The following MACF1 variants were observed in gnomAD, a reference collection of about 807,000 sequenced individuals.
MACF1 encodes microtubule-actin cross-linking factor 1.
MACF1 carries 193 observed loss-of-function variants against 854.8 expected under a neutral mutation model. That is an observed-to-expected ratio of 0.23 (90% CI 0.20 to 0.25). The LOEUF is 0.25. MACF1 is among the 10% of genes least tolerant of loss of function. The pLI is 1.00. For synonymous variants in MACF1, 3,185 were observed against 3,226.7 expected, an observed-to-expected ratio of 0.99 and a Z score of 0.44; for missense variants, 7,722 against 8,929.1, an observed-to-expected ratio of 0.86 and a Z score of 5.45.
chr1:39,301,121 TTTTATTTA>T (rs551530523), intron 22 of MACF1, among the ~76,000 whole-genome samples: 6 of 152,208 alleles, frequency 3.9e-5, no homozygotes, highest in Non-Finnish European at 7.4e-5. Context: ...TTAATTTTAA[TTTTATTTA>T]TTTATTTATT....
Position 39,388,066 on chromosome 1 carries a change from G to A in MACF1, c.15224G>A (p.Gly5075Asp). ...GACTATCTGAGGAACTTTACTCAGG[G>A]TCTGGTAGAAGATGCCCCAGATGGA... The part of the protein sequence containing the change: ...QVDYLRNFTQ[G>D]LVEDAPDGSD... Residue 5075 changes from glycine to aspartate, a missense_variant, in exon 58 of 101, where the codon GGT becomes GAT. Physicochemically the swap from Gly to Asp is moderately conservative, Grantham distance 94. Coordinates refer to ENST00000564288, the MANE Select transcript of MACF1 (RefSeq NM_001394062.1). The A allele has an allele frequency of 1.2e-6, 2 of 1,614,094 alleles. No individual in the cohort carries two copies. Among genetic ancestry groups the A allele is most frequent in the Middle Eastern group, 1.6e-4 (1 of 6,062 alleles).
In MACF1 at chr1:39,485,682, C is replaced by T. The variant is rs1463601812; in HGVS notation, c.22556C>T (p.Ala7519Val). Reference protein sequence around the residue: ...SACSDTSESSAAGGQGNSRRG... With the variant: ...SACSDTSESSVAGGQGNSRRG... ...TGTTCCGACACTTCAGAAAGCAGCG[C>T]TGCAGGGGGCCAAGGCAACTCCAGG... is the stretch of plus-strand genomic sequence containing the variant. The change falls in exon 101 of 101, where the codon GCT (alanine) becomes GTT (valine). Residue 7519 changes from alanine to valine, a missense_variant. Ala to Val is a moderately conservative substitution (Grantham distance 64). Transcript: ENST00000564288. 22 of 1,614,004 alleles carry T rather than the reference C, an allele frequency of 1.4e-5. No individual in the cohort carries two copies. Among genetic ancestry groups the T allele is most frequent in the Non-Finnish European group, 1.8e-5 (21 of 1,180,018 alleles).
At position 39,322,691 on chromosome 1, in the gene MACF1, C is replaced by T. The variant is rs1439675205; in HGVS notation, c.4113C>T (p.Ser1371=). 1.2e-6 allele frequency: 2 copies of T among 1,614,092 alleles called. No homozygotes were observed. Among genetic ancestry groups the T allele is most frequent in the Non-Finnish European group, 1.7e-6 (2 of 1,179,990 alleles). The change falls in exon 32 of 101, where the codon TCC becomes TCT. Residue 1371 remains serine (S), a synonymous_variant. Coordinates refer to ENST00000564288, the MANE Select transcript of MACF1 (RefSeq NM_001394062.1). ...CTGGCAAGCGCCGTCGCATGCTTTC[C>T]TCTTCAGATGCCATCACTCAAGAGG... ...KSPGKRRRML[S]SSDAITQEFM...
chr1:39,354,158 T>C (rs951319286), intron 44 of MACF1, among the ~76,000 whole-genome samples: 77 of 152,352 alleles, frequency 5.1e-4, no homozygotes, highest in African/African-American at 1.8e-3. Context: ...CTGCTTATAT[T>C]GATTCCTTTC....
chr1:39,476,110 C>G (rs1467166192), intron 97 of MACF1, among the ~76,000 whole-genome samples: 1 of 152,060 alleles, frequency 6.6e-6, no homozygotes, highest in Non-Finnish European at 1.5e-5. Flanking sequence ...CAATAATTGG[C>G]CAGAATGAAG....
At chr1:39,180,926 A>C (rs1236508499) in intron 2 of MACF1, among the ~76,000 whole-genome samples, 1 of 151,802 alleles carries the variant, frequency 6.6e-6, no homozygotes, top group Non-Finnish European at 1.5e-5. Flanking sequence ...TTTTTTTTTG[A>C]GACAGGGTCT....
At chr1:39,117,867 TA>T (rs1482867765) in intron 2 of MACF1, among the ~76,000 whole-genome samples, 1 of 152,220 alleles carries the variant, frequency 6.6e-6, no homozygotes. Context: ...ATATTCACAG[TA>T]GAAGATATCC....
chr1:39,171,751 G>A (rs1381570333), intron 2 of MACF1, among the ~76,000 whole-genome samples: 6 of 151,972 alleles, frequency 3.9e-5, no homozygotes, highest in East Asian at 1.9e-4. Context: ...TCAGCTTCCC[G>A]AGTAGCTGGG....
intron 2 of MACF1, among the ~76,000 whole-genome samples, chr1:39,184,374 T>C (rs1289780652): frequency 6.6e-6 from 1 of 152,146 alleles, no homozygotes; most frequent in Non-Finnish European, 1.5e-5. Context: ...GGCATGACAT[T>C]TCCTCTGACA....
intron 52 of MACF1, among the ~76,000 whole-genome samples, chr1:39,376,542 C>G (rs1649736911): frequency 6.6e-6 from 1 of 152,210 alleles, no homozygotes; most frequent in African/African-American, 2.4e-5. Flanking sequence ...GGCTCACATA[C>G]TGAGTTAGTG....
chr1:39,314,178 G>A (rs1328636572), intron 26 of MACF1, among the ~76,000 whole-genome samples: 1 of 152,174 alleles, frequency 6.6e-6, no homozygotes. Flanking sequence ...GGAGGCCAAG[G>A]CAGGTGGATC....
At chr1:39,118,483 G>A (rs1642601981) in intron 2 of MACF1, among the ~76,000 whole-genome samples, 2 of 152,238 alleles carry the variant, frequency 1.3e-5, no homozygotes, top group African/African-American at 2.4e-5. Flanking sequence ...CAGTATTCAT[G>A]TAACACTGCC....
intron 18 of MACF1, among the ~76,000 whole-genome samples, 179 bp from the exon 19 acceptor site, chr1:39,294,867 A>G (rs1287942765): frequency 6.6e-6 from 1 of 152,138 alleles, no homozygotes; most frequent in Non-Finnish European, 1.5e-5. Context: ...TCATTTTCCA[A>G]TAATTCCAGT....
chr1:39,367,165 A>C lies in MACF1; in HGVS notation c.12772-983A>C, dbSNP rs543019051. Among the ~76,000 whole-genome samples, 6 of 150,916 alleles carry C rather than the reference A, an allele frequency of 4.0e-5. No individual in the cohort carries two copies. The East Asian group carries it at 9.8e-4, about 25-fold the overall frequency. The stretch of plus-strand genomic sequence containing the variant: ...TTTCACCATGTTGGCCAGCCTGATC[A>C]TGAACTCCTGACCTCAAGTGATGGG... On this transcript the variant is annotated intron_variant, in intron 49 of 100. Coordinates refer to ENST00000564288, the MANE Select transcript of MACF1 (RefSeq NM_001394062.1).
At chr1:39,342,527 G>T (rs1400666151) in intron 40 of MACF1, among the ~76,000 whole-genome samples, 1 of 148,846 alleles carries the variant, frequency 6.7e-6, no homozygotes, top group Non-Finnish European at 1.5e-5. Flanking sequence ...TACAGCATGG[G>T]TTGGCAAACT....
At position 39,184,986 on chromosome 1, in the gene MACF1, C is replaced by G. The variant is rs551125258; in HGVS notation, c.221-46196C>G. 2.0e-5 allele frequency among the ~76,000 whole-genome samples: 3 copies of G among 152,314 alleles called. No individual in the cohort carries two copies. In the East Asian group the frequency reaches 5.8e-4, roughly 29 times the overall value. On this transcript the variant is annotated intron_variant, in intron 2 of 93. Transcript: ENST00000361689. Reference sequence around the variant, plus strand: ...ACCAAAAAAGTAGAAGATACTACCTCTCTTTAAGATGTATCAGGGCTGGTG... The same window carrying G: ...ACCAAAAAAGTAGAAGATACTACCTGTCTTTAAGATGTATCAGGGCTGGTG...
chr1:39,436,255 C>T (rs2148658303), intron 70 of MACF1, among the ~76,000 whole-genome samples: 1 of 152,286 alleles, frequency 6.6e-6, no homozygotes, highest in South Asian at 2.1e-4. Context: ...ATACTTTCAA[C>T]TAATATATTA....
Position 39,336,222 on chromosome 1 carries a change from C to A in MACF1, c.9634C>A (p.His3212Asn), listed in dbSNP as rs749462943. The A allele has an allele frequency of 6.2e-7, 1 of 1,614,074 alleles. No homozygotes were observed. The highest frequency in any genetic ancestry group is 8.5e-7 in the Non-Finnish European group (1 of 1,180,012). ...LEFSDRKDLH[H>N]QGSKSDDKLC... ...ATTCTCAGACAGAAAAGACCTTCAT[C>A]ATCAGGGCAGCAAAAGTGATGATAA... Residue 3212 changes from histidine (H) to asparagine (N), a missense_variant, in exon 37 of 101, where the codon CAT (histidine) becomes AAT (asparagine). Coordinates refer to ENST00000564288, the MANE Select transcript of MACF1 (RefSeq NM_001394062.1).
chr1:39,479,311 T>C (rs1379421814), intron 97 of MACF1, among the ~76,000 whole-genome samples: 2 of 152,204 alleles, frequency 1.3e-5, no homozygotes, highest in African/African-American at 2.4e-5. Context: ...CTCCTTTCTT[T>C]AGGATTGTTA....
Sources: allele counts gnomAD v4.1 joint callset (sites outside exome capture counted in the v4.1 genomes callset), GRCh38; gene constraint gnomAD v4.1.1; transcripts MANE v1.5; gene names NCBI Gene and HGNC (gene_info 2026-07-23, HGNC 2026-07-21).